The following CNTN6 variants were observed in gnomAD, a reference collection of about 807,000 sequenced individuals.
CNTN6 encodes contactin 6.
A neutral mutation model predicts 122.8 loss-of-function variants in CNTN6; 137 were observed. That is an observed-to-expected ratio of 1.12 (90% CI 0.97 to 1.29). The LOEUF is 1.29. CNTN6 is among the 50% of genes most tolerant of loss of function. The pLI, the probability that CNTN6 is intolerant of heterozygous loss-of-function variation, is 0.00. For missense variants in CNTN6, 1,634 were observed against 1,223.4 expected (o/e 1.34, Z -5.01); for synonymous variants, 570 against 426.0 (o/e 1.34, Z -4.16).
At chr3:1,222,905 A>G (rs2094228100) in intron 3 of CNTN6, among the ~76,000 whole-genome samples, 1 of 152,138 alleles carries the variant, frequency 6.6e-6, no homozygotes, top group Admixed American at 6.5e-5. Flanking sequence ...TTACTCATAG[A>G]CAAGAAACTA....
chr3:1,188,709 G>C (rs3772358), intron 2 of CNTN6, among the ~76,000 whole-genome samples: 8 of 152,266 alleles, frequency 5.3e-5, no homozygotes, highest in South Asian at 4.1e-4. Flanking sequence ...CAAAAATACA[G>C]TGAAAAATCT....
At chr3:1,106,866 T>C (rs755896790) in intron 1 of CNTN6, among the ~76,000 whole-genome samples, 2 of 152,130 alleles carry the variant, frequency 1.3e-5, no homozygotes, top group Non-Finnish European at 2.9e-5. Flanking sequence ...TATTGACATA[T>C]ATCATTTTGG....
chr3:1,177,851 T>A (rs1164130462), intron 2 of CNTN6, among the ~76,000 whole-genome samples: 3 of 151,850 alleles, frequency 2.0e-5, no homozygotes, highest in Non-Finnish European at 2.9e-5. Context: ...ATGACTTCTG[T>A]CTTGACTGGT....
At chr3:1,105,101 T>C (rs1250318999) in intron 1 of CNTN6, among the ~76,000 whole-genome samples, 3 of 152,258 alleles carry the variant, frequency 2.0e-5, no homozygotes, top group African/African-American at 7.2e-5. Flanking sequence ...TATTACTAAA[T>C]TGTCCTTTAG....
chr3:1,376,238 A>C (rs1243358236), intron 16 of CNTN6, among the ~76,000 whole-genome samples: 1 of 152,122 alleles, frequency 6.6e-6, no homozygotes, highest in Non-Finnish European at 1.5e-5. Flanking sequence ...TACCATATAC[A>C]CACTCAGCAT....
chr3:1,170,071 C>T (rs1158392069), intron 2 of CNTN6, among the ~76,000 whole-genome samples: 1 of 151,624 alleles, frequency 6.6e-6, no homozygotes, highest in Non-Finnish European at 1.5e-5. Context: ...CCTGTCTCTA[C>T]CAAAAATACA....
At chr3:1,361,805 T>G (rs531223171) in intron 12 of CNTN6, among the ~76,000 whole-genome samples, 13 of 152,174 alleles carry the variant, frequency 8.5e-5, no homozygotes, top group African/African-American at 3.1e-4. Flanking sequence ...AGCCAAGGTG[T>G]TTGCAACATG....
chr3:1,106,984 C>A (rs80041697), intron 1 of CNTN6, among the ~76,000 whole-genome samples: 9,871 of 152,126 alleles, frequency 0.065, 426 homozygotes, highest in Non-Finnish European at 0.09. Flanking sequence ...ATCTATCTCT[C>A]TAAATATATG....
At chr3:1,263,106 G>C (rs1431526216) in intron 4 of CNTN6, among the ~76,000 whole-genome samples, 4 of 151,908 alleles carry the variant, frequency 2.6e-5, no homozygotes, top group Non-Finnish European at 4.4e-5. Flanking sequence ...ACATTTTATA[G>C]ATCCATTCAC....
intron 7 of CNTN6, among the ~76,000 whole-genome samples, chr3:1,312,325 T>C (rs564301306): frequency 2.9e-4 from 44 of 151,870 alleles, no homozygotes; most frequent in Admixed American, 7.9e-4. Flanking sequence ...GAAGAATATA[T>C]ATATATGTAT....
At chr3:1,189,973 T>G (rs987109) in intron 2 of CNTN6, among the ~76,000 whole-genome samples, 85,379 of 152,080 alleles carry the variant, frequency 0.56, 25,526 homozygotes, top group East Asian at 0.83. Flanking sequence ...GTCAGCTCAG[T>G]CTGCCATAAC....
At chr3:1,184,584 CA>C (rs1299864533) in intron 2 of CNTN6, among the ~76,000 whole-genome samples, 10 of 152,012 alleles carry the variant, frequency 6.6e-5, no homozygotes, top group African/African-American at 1.7e-4. Flanking sequence ...TTGAAGGACA[CA>C]AAAATTTATA....
intron 1 of CNTN6, among the ~76,000 whole-genome samples, chr3:1,099,234 G>A (rs906939805): frequency 5.9e-5 from 9 of 151,978 alleles, no homozygotes; most frequent in African/African-American, 1.7e-4. Context: ...GGCGGATCAC[G>A]AGGTCAGGAG....
intron 4 of CNTN6, among the ~76,000 whole-genome samples, chr3:1,273,475 G>C (rs1366112235): frequency 6.6e-6 from 1 of 152,136 alleles, no homozygotes; most frequent in Non-Finnish European, 1.5e-5. Flanking sequence ...AGTCACCCTT[G>C]CCTCAGAAAA....
At chr3:1,334,012 T>C (rs1288845349) in intron 11 of CNTN6, among the ~76,000 whole-genome samples, 3 of 152,172 alleles carry the variant, frequency 2.0e-5, no homozygotes, top group Non-Finnish European at 4.4e-5. Context: ...TGTTTCTTAT[T>C]AGCCTATGTG....
chr3:1,153,294 G>C (rs917479132), intron 2 of CNTN6, among the ~76,000 whole-genome samples: 1 of 152,156 alleles, frequency 6.6e-6, no homozygotes, highest in South Asian at 2.1e-4. Context: ...CTCCTTGAGG[G>C]ATTCTAATTA....
At chr3:1,241,527 T>C (rs935765159) in intron 4 of CNTN6, among the ~76,000 whole-genome samples, 1 of 151,972 alleles carries the variant, frequency 6.6e-6, no homozygotes, top group African/African-American at 2.4e-5. Flanking sequence ...AAACGGAAGA[T>C]ACAAGGTCCG....
chr3:1,221,342 C>T (rs1219905121), intron 3 of CNTN6, among the ~76,000 whole-genome samples: 4 of 152,142 alleles, frequency 2.6e-5, no homozygotes, highest in Admixed American at 2.0e-4. Flanking sequence ...TGCCTCAATG[C>T]GGAACTGCAG....
At chr3:1,143,045 C>T (rs969748120) in intron 1 of CNTN6, among the ~76,000 whole-genome samples, 13 of 147,200 alleles carry the variant, frequency 8.8e-5, no homozygotes, top group African/African-American at 3.3e-4. Context: ...CAACCAACAT[C>T]TCTGTTTCAG....
Sources: allele counts gnomAD v4.1 joint callset (sites outside exome capture counted in the v4.1 genomes callset), GRCh38; gene constraint gnomAD v4.1.1; transcripts MANE v1.5; gene names NCBI Gene and HGNC (gene_info 2026-07-23, HGNC 2026-07-21).